The following CFAP299 variants were observed in gnomAD, a reference collection of about 807,000 sequenced individuals.
CFAP299 encodes cilia- and flagella-associated protein 299.
A neutral mutation model predicts 27.0 loss-of-function variants in CFAP299; 21 were observed. The ratio of observed to expected loss-of-function variants is 0.78; its 90% CI spans 0.55 to 1.12. CFAP299 has a LOEUF of 1.12. Among genes scored for constraint, CFAP299 ranks in the 50% most tolerant of loss-of-function variants. The probability of loss-of-function intolerance (pLI) is 0.00; values close to 1 mark genes in which losing one functional copy is unlikely to be tolerated. For missense variants in CFAP299, 310 were observed against 276.6 expected (o/e 1.12, Z -0.86); for synonymous variants, 104 against 98.1 (o/e 1.06, Z -0.36).
intron 4 of CFAP299, among the ~76,000 whole-genome samples, chr4:80,934,540 C>CT (rs200517641): frequency 0.023 from 3,325 of 146,602 alleles, 64 homozygotes; most frequent in South Asian, 0.087. Context: ...TTTTTCTAAG[C>CT]TTTTTTTTTT....
At chr4:80,934,961 TTTAGA>T (rs1736815877) in intron 4 of CFAP299, among the ~76,000 whole-genome samples, 1 of 152,026 alleles carries the variant, frequency 6.6e-6, no homozygotes, top group Admixed American at 6.6e-5. Context: ...TGAATATAAA[TTTAGA>T]TTATTTATTT....
At chr4:80,457,587 T>G (rs578233359) in intron 2 of CFAP299, among the ~76,000 whole-genome samples, 12 of 152,326 alleles carry the variant, frequency 7.9e-5, no homozygotes, top group African/African-American at 2.9e-4. Context: ...TCCTAATCTA[T>G]TGCTATAAAA....
chr4:80,688,258 C>T (rs988139283), intron 3 of CFAP299, among the ~76,000 whole-genome samples: 1 of 152,224 alleles, frequency 6.6e-6, no homozygotes, highest in Non-Finnish European at 1.5e-5. Flanking sequence ...AACAAAAAGA[C>T]AGCAGTAACC....
intron 3 of CFAP299, among the ~76,000 whole-genome samples, chr4:80,821,476 GAGC>G (rs1294564984): frequency 6.6e-6 from 1 of 152,126 alleles, no homozygotes; most frequent in African/African-American, 2.4e-5. Flanking sequence ...CTTCAGAACT[GAGC>G]AGAAGATGTG....
intron 3 of CFAP299, among the ~76,000 whole-genome samples, chr4:80,823,010 A>G (rs568312183): frequency 3.3e-5 from 5 of 152,314 alleles, no homozygotes; most frequent in African/African-American, 1.2e-4. Flanking sequence ...ACAAGGGAGA[A>G]CACACCAGCT....
At chr4:80,901,108 G>C (rs1734867904) in intron 4 of CFAP299, among the ~76,000 whole-genome samples, 1 of 152,118 alleles carries the variant, frequency 6.6e-6, no homozygotes, top group Admixed American at 6.6e-5. Context: ...AGAGCAATGA[G>C]AGCAATGTTG....
chr4:80,885,589 C>T (rs1485493836), intron 4 of CFAP299, among the ~76,000 whole-genome samples: 1 of 152,048 alleles, frequency 6.6e-6, no homozygotes, highest in East Asian at 1.9e-4. Flanking sequence ...GTTCTACCTC[C>T]TAGATGACAT....
chr4:80,545,886 T>G (rs1734204627), intron 2 of CFAP299, among the ~76,000 whole-genome samples: 2 of 152,256 alleles, frequency 1.3e-5, no homozygotes, highest in South Asian at 2.1e-4. Flanking sequence ...CAGCAGCACA[T>G]CATAAAGCTA....
At chr4:80,513,934 T>A (rs1308900598) in intron 2 of CFAP299, among the ~76,000 whole-genome samples, 1 of 152,040 alleles carries the variant, frequency 6.6e-6, no homozygotes, top group African/African-American at 2.4e-5. Flanking sequence ...TGTTTAAATA[T>A]GAAGGAGGAA....
At chr4:80,759,437 C>G (rs891654918) in intron 3 of CFAP299, among the ~76,000 whole-genome samples, 1 of 152,178 alleles carries the variant, frequency 6.6e-6, no homozygotes, top group African/African-American at 2.4e-5. Flanking sequence ...CTACTCATTA[C>G]AGACTTTTGA....
intron 2 of CFAP299, among the ~76,000 whole-genome samples, chr4:80,571,038 A>C (rs1441315012): frequency 6.6e-6 from 1 of 152,132 alleles, no homozygotes; most frequent in African/African-American, 2.4e-5. Flanking sequence ...GTACATACTT[A>C]AGTGATGTAA....
At chr4:80,745,409 A>G (rs1049168674) in intron 3 of CFAP299, among the ~76,000 whole-genome samples, 2 of 152,190 alleles carry the variant, frequency 1.3e-5, no homozygotes, top group African/African-American at 2.4e-5. Flanking sequence ...AATGTTGCAC[A>G]TGGATATGAT....
chr4:80,884,380 A>T (rs9999198), intron 4 of CFAP299, among the ~76,000 whole-genome samples: 34,979 of 152,080 alleles, frequency 0.23, 7,600 homozygotes, highest in African/African-American at 0.56. Context: ...CCCACAAATA[A>T]GTGGAATATT....
chr4:80,736,217 C>G (rs138099708), intron 3 of CFAP299, among the ~76,000 whole-genome samples: 1 of 151,948 alleles, frequency 6.6e-6, no homozygotes, highest in Admixed American at 6.6e-5. Flanking sequence ...GGTTTTAGGT[C>G]GAACGTTTAA....
intron 4 of CFAP299, among the ~76,000 whole-genome samples, chr4:80,935,652 A>G (rs1355735988): frequency 1.3e-5 from 2 of 152,174 alleles, no homozygotes; most frequent in Admixed American, 1.3e-4. Flanking sequence ...GGATATAGAA[A>G]CAGGCACAGA....
At chr4:80,704,428 G>T in intron 3 of CFAP299, among the ~76,000 whole-genome samples, 1 of 151,618 alleles carries the variant, frequency 6.6e-6, no homozygotes, top group East Asian at 1.9e-4. Flanking sequence ...TAGGTTGTCA[G>T]CTGAATTTAA....
chr4:80,804,158 G>C (rs1728748340), intron 3 of CFAP299, among the ~76,000 whole-genome samples: 1 of 151,966 alleles, frequency 6.6e-6, no homozygotes. Context: ...GAATTTTGGG[G>C]GACACATTCA....
At chr4:80,669,831 T>C (rs1741372315) in intron 3 of CFAP299, among the ~76,000 whole-genome samples, 3 of 151,952 alleles carry the variant, frequency 2.0e-5, no homozygotes, top group Admixed American at 2.0e-4. Context: ...GTGGGTTTAT[T>C]GCCTTCATTA....
At chr4:80,713,226 G>A (rs1362198911) in intron 3 of CFAP299, among the ~76,000 whole-genome samples, 1 of 152,036 alleles carries the variant, frequency 6.6e-6, no homozygotes, top group Non-Finnish European at 1.5e-5. Context: ...AAGAGGAAGG[G>A]AAAAGAGAGG....
Sources: allele counts gnomAD v4.1 joint callset (sites outside exome capture counted in the v4.1 genomes callset), GRCh38; gene constraint gnomAD v4.1.1; transcripts MANE v1.5; gene names NCBI Gene and HGNC (gene_info 2026-07-23, HGNC 2026-07-21).